Variants in TRIM4 observed in about 807,000 individuals in gnomAD.
TRIM4 encodes E3 ubiquitin-protein ligase TRIM4.
Under a neutral mutation model 33.7 loss-of-function variants are expected in TRIM4, and 29 were observed. That is an observed-to-expected ratio of 0.86 (90% confidence interval 0.64 to 1.17). TRIM4 has a LOEUF of 1.17. TRIM4 is among the 50% of genes most tolerant of loss of function. The pLI is 0.00. For missense variants in TRIM4, 554 were observed against 593.7 expected (o/e 0.93, Z 0.69); for synonymous variants, 224 against 233.0 (o/e 0.96, Z 0.35).
rs1818916218 is a variant in TRIM4 at position 99,892,515 on chromosome 7, A to G, written c.1073T>C (p.Val358Ala). The change falls in exon 6 of 6, where the codon GTT becomes GCT. Residue 358 changes from valine (V) to alanine (A), a missense_variant. Transcript: ENST00000349062. ...AACCTCCAGACTATCTCTACTCTCA[A>G]CTTCCCAGTAATGTTTCCCTGAGGT... Reference protein sequence around the residue: ...VFTSGKHYWEVESRDSLEVAV... With the variant: ...VFTSGKHYWEAESRDSLEVAV... 2 of 1,614,146 alleles carry G rather than the reference A, an allele frequency of 1.2e-6. No individual in the cohort carries two copies. Among genetic ancestry groups the G allele is most frequent in the East Asian group, 2.2e-5 (1 of 44,866 alleles).
chr7:99,918,934 CT>C, intron 1 of TRIM4, 74 bp downstream of exon 1: 1 of 1,478,520 alleles, frequency 6.8e-7, no homozygotes, highest in South Asian at 1.3e-5. Context: ...CTTCGTGGCT[CT>C]TTTAGGAGCA....
chr7:99,905,543 T>C (rs371473702), intron 3 of TRIM4, among the ~76,000 whole-genome samples: 2 of 152,224 alleles, frequency 1.3e-5, no homozygotes, highest in Admixed American at 1.3e-4. Flanking sequence ...CGGGCACTAC[T>C]GACATTTTGG....
At chr7:99,915,284 T>A (rs1819530344) in intron 1 of TRIM4, among the ~76,000 whole-genome samples, 1 of 152,194 alleles carries the variant, frequency 6.6e-6, no homozygotes, top group Non-Finnish European at 1.5e-5. Context: ...TCTGGTGCCG[T>A]GCCACAGCAT....
At chr7:99,913,244 AGGTGAGTTAACTTGACAGCCTTGGT>A (rs1410350698) in intron 1 of TRIM4, among the ~76,000 whole-genome samples, 2 of 152,194 alleles carry the variant, frequency 1.3e-5, no homozygotes, top group Non-Finnish European at 2.9e-5. Flanking sequence ...CTAAACTGGG[AGGTGAGTTAACTTGACAGCCTTGGT>A]GGAAGTTAGA....
At chr7:99,899,346 C>CT (rs1819100634) in intron 5 of TRIM4, among the ~76,000 whole-genome samples, 1 of 152,168 alleles carries the variant, frequency 6.6e-6, no homozygotes, top group Admixed American at 6.5e-5. Flanking sequence ...AACCTGCATG[C>CT]TTTTTACAAA....
chr7:99,909,729 GTTTT>G lies in TRIM4; in HGVS notation c.394-73_394-70del, dbSNP rs58242927. 3,216 of 721,066 alleles carry G rather than the reference GTTTT, an allele frequency of 4.5e-3. 45 individuals are homozygous for G. The highest frequency in any genetic ancestry group is 7.8e-3 in the Middle Eastern group (24 of 3,074). 44.7% of individuals were successfully genotyped at this position (721,066 alleles called of 1,614,324 possible). On this transcript the variant is annotated intron_variant, in intron 1 of 5. Coordinates refer to ENST00000349062, the MANE Select transcript of TRIM4 (RefSeq NM_033091.3). ...CATCATCATCTTCTTTTTTCTTTTT[GTTTT>G]TTTTTTTTTTTTTTTTTGAGACAAA...
rs75626924 is a variant in TRIM4, at chr7:99,906,809, G to A, written c.720+1773C>T. Among the ~76,000 whole-genome samples, 699 of 152,162 alleles carry A rather than the reference G, an allele frequency of 4.6e-3. 7 individuals are homozygous for A. Among genetic ancestry groups the A allele is most frequent in the African/African-American group, 0.016 (665 of 41,534 alleles). On this transcript the variant is annotated intron_variant, in intron 3 of 5. Transcript: ENST00000349062. ...TGCAGTGAGCTATGAGCACACCACC[G>A]CACTCCAGTCTGGGTAACAAAGCAA... is the stretch of plus-strand genomic sequence containing the variant.
At position 99,919,046 on chromosome 7, in the gene TRIM4, G is replaced by A; in HGVS notation, c.356C>T (p.Ala119Val). The change falls in exon 1 of 6, where the codon GCC becomes GTC. Residue 119 changes from alanine to valine, a missense_variant. By Grantham distance (64) the Ala-to-Val change is moderately conservative. Transcript: ENST00000349062. ...GAAGGCCTCGTCGATGGGTGCCATGGCGTGAGTCTGGTGCTCCTGGGACTC... is the reference window on the plus strand; with the variant it reads ...GAAGGCCTCGTCGATGGGTGCCATGACGTGAGTCTGGTGCTCCTGGGACTC... ...CRESQEHQTH[A>V]MAPIDEAFES... 6.3e-7 allele frequency: 1 copy of A among 1,583,506 alleles called. No homozygotes were observed. The highest frequency in any genetic ancestry group is 8.6e-7 in the Non-Finnish European group (1 of 1,166,912).
At chr7:99,903,127 T>C (rs1406129609) in intron 5 of TRIM4, 91 bp downstream of exon 5, 13 of 931,582 alleles carry the variant, frequency 1.4e-5, no homozygotes, top group Non-Finnish European at 2.1e-5. Context: ...ATTAGCTGCA[T>C]GCTGTTTCCT....
chr7:99,896,162 TTTTA>T (rs1426247587), intron 5 of TRIM4, among the ~76,000 whole-genome samples: 7 of 152,234 alleles, frequency 4.6e-5, no homozygotes, highest in African/African-American at 1.7e-4. Context: ...GCTACATCTC[TTTTA>T]TTTTAGTGGT....
chr7:99,914,742 G>A (rs1819514602), intron 1 of TRIM4, among the ~76,000 whole-genome samples: 1 of 152,130 alleles, frequency 6.6e-6, no homozygotes, highest in African/African-American at 2.4e-5. Flanking sequence ...GCAAGTTTCA[G>A]CTGCAATGTC....
At position 99,893,983 on chromosome 7, in the gene TRIM4, T is replaced by TA. The variant is rs1247992880; in HGVS notation, c.842-1238dup. Among the ~76,000 whole-genome samples the TA allele has an allele frequency of 4.6e-5, 7 of 151,048 alleles. No homozygotes were observed. The East Asian group carries it at 1.4e-3, about 29-fold the overall frequency. On this transcript the variant is annotated intron_variant, in intron 5 of 5. Transcript: ENST00000349062. ...ATGGTTTTCCTTTTTTTTTTTTTTTTACTTTAGTGATATAAACTACATCGA... is the reference window on the plus strand; with the variant it reads ...ATGGTTTTCCTTTTTTTTTTTTTTTTAACTTTAGTGATATAAACTACATCGA...
At chr7:99,895,207 T>C (rs1323724955) in intron 5 of TRIM4, among the ~76,000 whole-genome samples, 1 of 152,242 alleles carries the variant, frequency 6.6e-6, no homozygotes, top group Non-Finnish European at 1.5e-5. Flanking sequence ...TACACTTTTC[T>C]TTAAGTTTTG....
chr7:99,908,659 GAT>G lies in TRIM4; in HGVS notation c.641_642del (p.Asn214ThrfsTer36). 1 of 1,614,100 alleles carries G rather than the reference GAT, an allele frequency of 6.2e-7. No homozygotes were observed. The highest frequency in any genetic ancestry group is 1.1e-5 in the South Asian group (1 of 91,072). On this transcript the variant is annotated frameshift_variant, in exon 3 of 6. Coordinates refer to ENST00000349062, the MANE Select transcript of TRIM4 (RefSeq NM_033091.3). LOFTEE classifies it high-confidence loss of function. ...KKLNENTLKL[N>X]QTIASLKKLI... ...AGCTTCTTCAATGAAGCGATAGTTT[GAT>G]TGAGTTTTAACGTGTTCTCATTCAG...
chr7:99,909,729 GTTTTTTTTTTTT>G (rs58242927), intron 1 of TRIM4, 69 bp from the exon 2 acceptor site: 5 of 725,162 alleles, frequency 6.9e-6, no homozygotes, highest in East Asian at 3.5e-5. Context: ...TTTTCTTTTT[GTTTTTTTTTTTT>G]TTTTTTTTTG....
intron 5 of TRIM4, chr7:99,901,078 A>C (rs981097641): frequency 6.6e-6 from 1 of 152,198 alleles, no homozygotes; most frequent in Non-Finnish European, 1.5e-5. Flanking sequence ...CACCATAGAT[A>C]ATAAGGCTGC....
chr7:99,894,836 C>A (rs1200876743), intron 5 of TRIM4, among the ~76,000 whole-genome samples: 1 of 152,158 alleles, frequency 6.6e-6, no homozygotes, highest in Non-Finnish European at 1.5e-5. Flanking sequence ...TCCATTTCAT[C>A]TATATTGTCA....
At chr7:99,893,217 A>G (rs1818937753) in intron 5 of TRIM4, among the ~76,000 whole-genome samples, 1 of 152,162 alleles carries the variant, frequency 6.6e-6, no homozygotes, top group South Asian at 2.1e-4. Flanking sequence ...TAGTGACCCG[A>G]GATCGTGCCA....
chr7:99,892,694 CT>C lies in TRIM4; in HGVS notation c.893del (p.Gln298ArgfsTer6), dbSNP rs1481441905. On this transcript the variant is annotated frameshift_variant, in exon 6 of 6. Coordinates refer to ENST00000349062, the MANE Select transcript of TRIM4 (RefSeq NM_033091.3). LOFTEE classifies it low-confidence loss of function (END_TRUNC). ...CTGTATTTTTCACGTATCTCCCTTC[CT>C]GGGAGAAGACGAGTTTGGGATGAGC... ...DTAHPKLVFS[Q>X]EGRYVKNTAS... The C allele has an allele frequency of 6.2e-7, 1 of 1,613,974 alleles. No homozygotes were observed. The highest frequency in any genetic ancestry group is 8.5e-7 in the Non-Finnish European group (1 of 1,180,042).
Sources: gnomAD v4.1 joint callset for allele counts (sites outside exome capture counted in the v4.1 genomes callset) on GRCh38, gnomAD v4.1.1 for gene constraint, MANE v1.5 for transcripts, NCBI Gene and HGNC (gene_info 2026-07-23, HGNC 2026-07-21) for gene names.